Variants in FGGY observed in about 807,000 individuals in gnomAD.
The protein encoded by FGGY is FGGY carbohydrate kinase domain containing.
Under a neutral mutation model 71.3 loss-of-function variants are expected in FGGY, and 72 were observed. The observed-to-expected ratio is 1.01, with a 90% CI of 0.84 to 1.23. The LOEUF (loss-of-function observed/expected upper bound fraction) is 1.23, where lower values mean the gene tolerates loss of function less well. Among genes scored for constraint, FGGY ranks in the 50% most tolerant of loss-of-function variants. FGGY has a pLI of 0.00. For missense variants in FGGY, 668 were observed against 682.3 expected (o/e 0.98, Z 0.23); for synonymous variants, 251 against 250.3 (o/e 1.00, Z -0.02).
At chr1:59,521,043 G>GT (rs925777530) in intron 7 of FGGY, among the ~76,000 whole-genome samples, 3 of 141,150 alleles carry the variant, frequency 2.1e-5, no homozygotes, top group Admixed American at 7.1e-5. Flanking sequence ...GGGTGGGGGG[G>GT]GATTAGAAAT....
chr1:59,375,779 T>C (rs1450166256), intron 4 of FGGY, among the ~76,000 whole-genome samples: 1 of 152,122 alleles, frequency 6.6e-6, no homozygotes, highest in Non-Finnish European at 1.5e-5. Context: ...TGTGACATTC[T>C]ACTTGGGTTC....
chr1:59,667,011 A>G (rs540096246), intron 12 of FGGY, among the ~76,000 whole-genome samples: 16 of 152,324 alleles, frequency 1.1e-4, no homozygotes, highest in African/African-American at 3.4e-4. Context: ...GACATTGTCA[A>G]CTGTTTTTGT....
intron 4 of FGGY, among the ~76,000 whole-genome samples, chr1:59,347,372 T>G (rs2052273584): frequency 6.6e-6 from 1 of 151,956 alleles, no homozygotes; most frequent in Non-Finnish European, 1.5e-5. Flanking sequence ...TTGTGATAGT[T>G]TGCTGAGAAT....
chr1:59,359,925 T>G (rs1483162083), intron 4 of FGGY, among the ~76,000 whole-genome samples: 1 of 152,120 alleles, frequency 6.6e-6, no homozygotes, highest in African/African-American at 2.4e-5. Context: ...CTACCTGGCC[T>G]CCGTTTCTCA....
intron 14 of FGGY, among the ~76,000 whole-genome samples, chr1:59,748,525 A>G (rs781359116): frequency 3.9e-4 from 60 of 152,204 alleles, no homozygotes; most frequent in Admixed American, 1.1e-3. Flanking sequence ...CAGCAGCAAG[A>G]TGGCCAGTGT....
At chr1:59,436,018 C>T (rs1031622951) in intron 5 of FGGY, among the ~76,000 whole-genome samples, 1 of 152,074 alleles carries the variant, frequency 6.6e-6, no homozygotes, top group Non-Finnish European at 1.5e-5. Context: ...GTGGCACAGT[C>T]GGGATTTGAA....
At chr1:59,300,325 T>A (rs995879725) in intron 1 of FGGY, among the ~76,000 whole-genome samples, 1 of 152,206 alleles carries the variant, frequency 6.6e-6, no homozygotes, top group Admixed American at 6.5e-5. Flanking sequence ...TCGTCCATTT[T>A]AAAAAATGAG....
At chr1:59,630,998 T>C (rs141397470) in intron 10 of FGGY, among the ~76,000 whole-genome samples, 37 of 152,326 alleles carry the variant, frequency 2.4e-4, no homozygotes, top group African/African-American at 8.9e-4. Context: ...ATCAGCCCCC[T>C]GAAACGTTTC....
At chr1:59,717,290 A>G (rs2097852425) in intron 14 of FGGY, among the ~76,000 whole-genome samples, 1 of 152,058 alleles carries the variant, frequency 6.6e-6, no homozygotes, top group Non-Finnish European at 1.5e-5. Context: ...ATTTAATATA[A>G]TCATAGGTTC....
intron 14 of FGGY, among the ~76,000 whole-genome samples, chr1:59,705,770 C>T (rs970395931): frequency 3.3e-5 from 5 of 152,204 alleles, no homozygotes; most frequent in African/African-American, 1.2e-4. Flanking sequence ...TTTCACATTT[C>T]CCATGTTTCA....
At chr1:59,398,047 G>C (rs954785468) in intron 5 of FGGY, among the ~76,000 whole-genome samples, 6 of 152,046 alleles carry the variant, frequency 3.9e-5, no homozygotes, top group Admixed American at 3.9e-4. Context: ...GACTTGTTTT[G>C]GGAGAAGCCA....
intron 12 of FGGY, among the ~76,000 whole-genome samples, chr1:59,660,623 A>G (rs914687596): frequency 2.0e-5 from 3 of 152,240 alleles, no homozygotes; most frequent in Non-Finnish European, 4.4e-5. Flanking sequence ...AGTTGTTAAG[A>G]ATGTCTGATT....
At chr1:59,406,214 TCGCAGAAATGCTCAG>T (rs2062722876) in intron 5 of FGGY, among the ~76,000 whole-genome samples, 1 of 151,734 alleles carries the variant, frequency 6.6e-6, no homozygotes, top group Non-Finnish European at 1.5e-5. Flanking sequence ...TCACAGTCAT[TCGCAGAAATGCTCAG>T]AGAGGAGGAT....
At chr1:59,566,245 T>C (rs998299281) in intron 8 of FGGY, among the ~76,000 whole-genome samples, 3 of 152,098 alleles carry the variant, frequency 2.0e-5, no homozygotes, top group South Asian at 2.1e-4. Context: ...TAACCAAGCA[T>C]TGGGTCCCGT....
intron 4 of FGGY, among the ~76,000 whole-genome samples, chr1:59,361,999 A>T (rs1031891049): frequency 6.6e-6 from 1 of 152,210 alleles, no homozygotes; most frequent in Non-Finnish European, 1.5e-5. Context: ...TCCACAGGAA[A>T]GACAGTGTGC....
At chr1:59,428,094 C>T (rs1055652702) in intron 5 of FGGY, among the ~76,000 whole-genome samples, 3 of 152,190 alleles carry the variant, frequency 2.0e-5, no homozygotes, top group African/African-American at 7.2e-5. Flanking sequence ...GCACATCTGC[C>T]TGCTATTATG....
At chr1:59,369,614 G>A (rs2057223281) in intron 4 of FGGY, among the ~76,000 whole-genome samples, 2 of 152,208 alleles carry the variant, frequency 1.3e-5, no homozygotes, top group South Asian at 4.1e-4. Context: ...GCCTCCTCAA[G>A]TGGGTCCCTG....
At chr1:59,496,357 T>A (rs1349991522) in intron 6 of FGGY, among the ~76,000 whole-genome samples, 1 of 152,140 alleles carries the variant, frequency 6.6e-6, no homozygotes, top group Non-Finnish European at 1.5e-5. Flanking sequence ...TTAAAAAGAA[T>A]AAGATTTTGT....
At chr1:59,752,528 G>T (rs1422351622) in intron 14 of FGGY, among the ~76,000 whole-genome samples, 5 of 152,190 alleles carry the variant, frequency 3.3e-5, no homozygotes, top group Non-Finnish European at 5.9e-5. Context: ...GAAGGTACTA[G>T]ATCTTCTGCT....
Sources: gnomAD v4.1 joint callset for allele counts (sites outside exome capture counted in the v4.1 genomes callset) on GRCh38, gnomAD v4.1.1 for gene constraint, MANE v1.5 for transcripts, NCBI Gene and HGNC (gene_info 2026-07-23, HGNC 2026-07-21) for gene names.